MB21D2: variants seen among roughly 807,000 people sequenced by gnomAD.
MB21D2 encodes nucleotidyltransferase MB21D2.
Under a neutral mutation model 33.3 loss-of-function variants are expected in MB21D2, and 9 were observed. The observed-to-expected ratio is 0.27, with a 90% CI of 0.16 to 0.47. The LOEUF (loss-of-function observed/expected upper bound fraction) is 0.47. MB21D2 is among the 20% of genes least tolerant of loss of function. The pLI is 0.99. For missense variants in MB21D2, 540 were observed against 624.6 expected (o/e 0.86, Z 1.44); for synonymous variants, 241 against 236.3 (o/e 1.02, Z -0.18).
In MB21D2 at chr3:192,879,855, AC is replaced by A. The variant is rs528155141; in HGVS notation, c.211+37774del. Among the ~76,000 whole-genome samples the A allele has an allele frequency of 1.0e-3, 152 of 152,306 alleles. 1 individual carries two copies. Among genetic ancestry groups the A allele is most frequent in the African/African-American group, 3.3e-3 (139 of 41,570 alleles). On this transcript the variant is annotated intron_variant, in intron 1 of 1. Coordinates refer to ENST00000392452, the MANE Select transcript of MB21D2 (RefSeq NM_178496.4). ...AAACCACAAAGCAGTCAGCTTCAGC[AC>A]CTTGCCCAAGGCCAAATTCCTCAAA...
At chr3:192,804,927 C>T (rs947459512) in intron 1 of MB21D2, among the ~76,000 whole-genome samples, 2 of 152,204 alleles carry the variant, frequency 1.3e-5, no homozygotes, top group African/African-American at 2.4e-5. Flanking sequence ...CCATGAAATT[C>T]TTAATGACCC....
chr3:192,802,031 T>C (rs1157077077), intron 1 of MB21D2, among the ~76,000 whole-genome samples: 1 of 152,156 alleles, frequency 6.6e-6, no homozygotes, highest in Non-Finnish European at 1.5e-5. Flanking sequence ...TCTCACACTA[T>C]CTGCACTGTG....
intron 1 of MB21D2, among the ~76,000 whole-genome samples, chr3:192,914,777 C>G (rs1407001479): frequency 1.3e-5 from 2 of 152,064 alleles, no homozygotes; most frequent in Admixed American, 1.3e-4. Context: ...CCACAGTGAC[C>G]ACCAGCAAGC....
intron 1 of MB21D2, among the ~76,000 whole-genome samples, chr3:192,892,345 C>T (rs1270081323): frequency 6.6e-6 from 1 of 152,242 alleles, no homozygotes; most frequent in Admixed American, 6.5e-5. Context: ...TAACCCAAAG[C>T]TCACCCTAGG....
In MB21D2 at chr3:192,855,817, A is replaced by T. The variant is rs572343456; in HGVS notation, c.212-56167T>A. Among the ~76,000 whole-genome samples the T allele has an allele frequency of 2.6e-5, 4 of 152,346 alleles. 1 individual carries two copies. The highest frequency in any genetic ancestry group is 2.6e-4 in the Admixed American group (4 of 15,298). On this transcript the variant is annotated intron_variant, in intron 1 of 1. Coordinates refer to ENST00000392452, the MANE Select transcript of MB21D2 (RefSeq NM_178496.4). The stretch of plus-strand genomic sequence containing the variant: ...TCTGGGCATGGTGGCTCATGCCTGT[A>T]ATCCCAGCACTTTGGGAGGCCAAGG...
In MB21D2 at chr3:192,797,802, C is replaced by G. The variant is rs967423562; in HGVS notation, c.*584G>C. On this transcript the variant is annotated 3_prime_UTR_variant, in exon 2 of 2. Transcript: ENST00000392452. ...ACAATTACATTCAATGAAGTTGCTCCAAAACACAATTTGTAGTATTATCAC... is the reference window on the plus strand; with the variant it reads ...ACAATTACATTCAATGAAGTTGCTCGAAAACACAATTTGTAGTATTATCAC... 5 of 152,582 alleles carry G rather than the reference C, an allele frequency of 3.3e-5. No individual in the cohort carries two copies. Among genetic ancestry groups the G allele is most frequent in the African/African-American group, 1.2e-4 (5 of 41,404 alleles). 9.5% of individuals were successfully genotyped at this position (152,582 alleles called of 1,614,324 possible).
chr3:192,917,446 G>A (rs1162017917), intron 1 of MB21D2, among the ~76,000 whole-genome samples, 184 bp downstream of exon 1: 4 of 152,152 alleles, frequency 2.6e-5, no homozygotes, highest in Non-Finnish European at 5.9e-5. Flanking sequence ...AGGAGGGGAG[G>A]GCAGGCAGCT....
chr3:192,892,574 G>A lies in MB21D2; in HGVS notation c.211+25056C>T, dbSNP rs572406826. Among the ~76,000 whole-genome samples the A allele has an allele frequency of 9.1e-4, 139 of 152,246 alleles. 3 individuals carry two copies. In the South Asian group the frequency reaches 0.017, roughly 18 times the overall value. Reference sequence around the variant, plus strand: ...TCCTGCCTCAGCCTCCTGAGTAGCTGGGATTACAGGCACCTGCCACCACAC... The same window carrying A: ...TCCTGCCTCAGCCTCCTGAGTAGCTAGGATTACAGGCACCTGCCACCACAC... On this transcript the variant is annotated intron_variant, in intron 1 of 1. Transcript: ENST00000392452.
intron 1 of MB21D2, among the ~76,000 whole-genome samples, chr3:192,852,436 G>A (rs913475044): frequency 6.6e-6 from 1 of 152,126 alleles, no homozygotes; most frequent in African/African-American, 2.4e-5. Flanking sequence ...ATATATTCTA[G>A]CACTCAGCTG....
intron 1 of MB21D2, among the ~76,000 whole-genome samples, chr3:192,838,631 T>C (rs999897561): frequency 3.3e-5 from 5 of 152,018 alleles, no homozygotes; most frequent in African/African-American, 4.8e-5. Context: ...GGTTTCACCG[T>C]GCCAGCCAGG....
At chr3:192,862,500 G>A (rs1713070416) in intron 1 of MB21D2, among the ~76,000 whole-genome samples, 1 of 152,216 alleles carries the variant, frequency 6.6e-6, no homozygotes, top group East Asian at 1.9e-4. Context: ...TGCTGAAACA[G>A]AGGCTGGGCG....
rs10541418 is a variant in MB21D2 at position 192,853,028 on chromosome 3, GTCTCTCTC to G, written c.212-53386_212-53379del. On this transcript the variant is annotated intron_variant, in intron 1 of 1. Coordinates refer to ENST00000392452, the MANE Select transcript of MB21D2 (RefSeq NM_178496.4). ...ATCCAGTTTTCAGTTATCTCTCTCT[GTCTCTCTC>G]TCTCTCTCTCTCTCTCTCTGAGACC... Among the ~76,000 whole-genome samples, 54 of 148,262 alleles carry G rather than the reference GTCTCTCTC, an allele frequency of 3.6e-4. No individual in the cohort carries two copies. In the East Asian group the frequency reaches 4.5e-3, roughly 12 times the overall value.
At chr3:192,899,003 A>G (rs1435768154) in intron 1 of MB21D2, among the ~76,000 whole-genome samples, 1 of 152,204 alleles carries the variant, frequency 6.6e-6, no homozygotes, top group Non-Finnish European at 1.5e-5. Context: ...AGCTTCTGAG[A>G]GTTCAGTGTG....
intron 1 of MB21D2, among the ~76,000 whole-genome samples, chr3:192,830,721 G>A (rs552883858): frequency 1.1e-4 from 16 of 152,214 alleles, no homozygotes; most frequent in East Asian, 1.9e-4. Context: ...GCCACTCAAC[G>A]TGTTGTTCAT....
chr3:192,851,491 GTT>G (rs34763701), intron 1 of MB21D2, among the ~76,000 whole-genome samples: 2 of 97,592 alleles, frequency 2.0e-5, no homozygotes, highest in South Asian at 3.4e-4. Context: ...TTTTTTGTCT[GTT>G]TTTTTTTTTT....
chr3:192,814,864 CA>C lies in MB21D2; in HGVS notation c.212-15215del, dbSNP rs11370792. Reference sequence around the variant, plus strand: ...TGGGCGACAGAGCGAGACTCCATCCCAAAAAAAAAAAAAAAATTCTTAGACA... The same window carrying C: ...TGGGCGACAGAGCGAGACTCCATCCCAAAAAAAAAAAAAAATTCTTAGACA... On this transcript the variant is annotated intron_variant, in intron 1 of 1. Transcript: ENST00000392452. Among the ~76,000 whole-genome samples, 327 of 124,962 alleles carry C rather than the reference CA, an allele frequency of 2.6e-3. 3 individuals are homozygous for C. The highest frequency in any genetic ancestry group is 5.0e-3 in the African/African-American group (141 of 28,060). 82.0% of individuals were successfully genotyped at this position (124,962 alleles called of 152,430 possible).
intron 1 of MB21D2, among the ~76,000 whole-genome samples, chr3:192,849,158 A>C (rs1712733051): frequency 6.6e-6 from 1 of 152,082 alleles, no homozygotes; most frequent in South Asian, 2.1e-4. Context: ...CTGGAGTGAC[A>C]AGCTGGCTTC....
In MB21D2 at chr3:192,799,025, G is replaced by A; in HGVS notation, c.837C>T (p.Tyr279=). The change falls in exon 2 of 2, where the codon TAC becomes TAT. Residue 279 remains tyrosine (Y), a synonymous_variant. Transcript: ENST00000392452. This position sits in a 1 kb window ranked among gnomAD's most constrained non-coding sequence, Gnocchi z 4.1. Reference sequence around the variant, plus strand: ...GCCATTCATTGTCCTTCTTACCCTTGTAGGAGCAAGCAGGCACCAAGTAAA... The same window carrying A: ...GCCATTCATTGTCCTTCTTACCCTTATAGGAGCAAGCAGGCACCAAGTAAA... The part of the protein sequence containing the change: ...SGFYLVPACS[Y]KGKKDNEWRL... The A allele has an allele frequency of 6.2e-7, 1 of 1,614,034 alleles. No individual in the cohort carries two copies. Among genetic ancestry groups the A allele is most frequent in the Non-Finnish European group, 8.5e-7 (1 of 1,180,008 alleles).
chr3:192,819,674 A>T (rs1202408838), intron 1 of MB21D2, among the ~76,000 whole-genome samples: 1 of 152,202 alleles, frequency 6.6e-6, no homozygotes, highest in Non-Finnish European at 1.5e-5. Flanking sequence ...CAGAAAAATA[A>T]ATCAGTGCTT....
Sources: allele counts gnomAD v4.1 joint callset (sites outside exome capture counted in the v4.1 genomes callset), GRCh38; gene constraint gnomAD v4.1.1; non-coding constraint Gnocchi (gnomAD v3.1); transcripts MANE v1.5; gene names NCBI Gene and HGNC (gene_info 2026-07-23, HGNC 2026-07-21).